The following SLC22A3 variants were observed in gnomAD, a reference collection of about 807,000 sequenced individuals.
SLC22A3 encodes the protein solute carrier family 22 member 3.
Under a neutral mutation model 59.1 loss-of-function variants are expected in SLC22A3, and 51 were observed. The ratio of observed to expected loss-of-function variants is 0.86; its 90% CI spans 0.69 to 1.09. The LOEUF (loss-of-function observed/expected upper bound fraction) is 1.09, where lower values mean the gene tolerates loss of function less well. Ranked by LOEUF, SLC22A3 falls within the 50% of genes least tolerant of loss-of-function variation. The pLI, the probability that SLC22A3 is intolerant of heterozygous loss-of-function variation, is 0.00. For synonymous variants in SLC22A3, 325 were observed against 292.0 expected (o/e 1.11, Z -1.15); for missense variants, 711 against 726.3 (o/e 0.98, Z 0.24).
chr6:160,373,169 G>A (rs1481703817), intron 1 of SLC22A3, among the ~76,000 whole-genome samples: 3 of 152,166 alleles, frequency 2.0e-5, no homozygotes, highest in Non-Finnish European at 4.4e-5. Flanking sequence ...TGATACTGGT[G>A]ACCTTCAGAT....
At chr6:160,444,415 T>TTC (rs1013576033) in intron 9 of SLC22A3, among the ~76,000 whole-genome samples, 2 of 152,144 alleles carry the variant, frequency 1.3e-5, no homozygotes, top group Non-Finnish European at 1.5e-5. Context: ...ATTTCTGGTG[T>TTC]TCTCTCTCTA....
chr6:160,427,825 T>G (rs952423742), intron 5 of SLC22A3, among the ~76,000 whole-genome samples: 10 of 152,232 alleles, frequency 6.6e-5, no homozygotes, highest in Admixed American at 3.3e-4. Flanking sequence ...CTCAAAATTT[T>G]GTGTATCCAT....
intron 1 of SLC22A3, among the ~76,000 whole-genome samples, chr6:160,385,275 CT>C (rs1785957730): frequency 6.6e-6 from 1 of 152,220 alleles, no homozygotes; most frequent in Non-Finnish European, 1.5e-5. Context: ...TGGCCAGCAT[CT>C]TCTCTTCATA....
intron 1 of SLC22A3, among the ~76,000 whole-genome samples, chr6:160,380,902 C>A (rs1785771151): frequency 6.6e-6 from 1 of 152,102 alleles, no homozygotes; most frequent in African/African-American, 2.4e-5. Context: ...TTGAGGTGTT[C>A]AGCTTCTAGA....
chr6:160,390,565 A>C (rs1230471177), intron 1 of SLC22A3, among the ~76,000 whole-genome samples: 1 of 151,828 alleles, frequency 6.6e-6, no homozygotes, highest in Non-Finnish European at 1.5e-5. Context: ...GACACCTGAG[A>C]GGTGGGAAAA....
At chr6:160,430,310 A>G (rs1406462070) in intron 5 of SLC22A3, among the ~76,000 whole-genome samples, 1 of 152,174 alleles carries the variant, frequency 6.6e-6, no homozygotes, top group Admixed American at 6.5e-5. Flanking sequence ...TAGTAAAAAA[A>G]TGTTCTGAGT....
intron 1 of SLC22A3, among the ~76,000 whole-genome samples, chr6:160,389,462 C>T (rs376474082): frequency 1.3e-4 from 20 of 152,154 alleles, no homozygotes; most frequent in African/African-American, 3.4e-4. Context: ...TGTTCTTGTT[C>T]ACAGTGGGGA....
chr6:160,424,743 A>T (rs550169953), intron 5 of SLC22A3, among the ~76,000 whole-genome samples: 23 of 152,342 alleles, frequency 1.5e-4, no homozygotes, highest in African/African-American at 5.3e-4. Flanking sequence ...TCTCTGAAAG[A>T]TGAATCTTGG....
At chr6:160,392,073 T>C (rs1177246886) in intron 1 of SLC22A3, among the ~76,000 whole-genome samples, 1 of 152,176 alleles carries the variant, frequency 6.6e-6, no homozygotes, top group Non-Finnish European at 1.5e-5. Context: ...TGGGCAATCA[T>C]TGCAGATCCC....
At chr6:160,364,391 G>C (rs1258814190) in intron 1 of SLC22A3, among the ~76,000 whole-genome samples, 4 of 152,230 alleles carry the variant, frequency 2.6e-5, no homozygotes, top group Admixed American at 2.6e-4. Flanking sequence ...GTGTGAAGCA[G>C]CCTTCATGGT....
At chr6:160,437,917 G>A (rs1226501942) in intron 7 of SLC22A3, among the ~76,000 whole-genome samples, 1 of 152,144 alleles carries the variant, frequency 6.6e-6, no homozygotes, top group African/African-American at 2.4e-5. Context: ...AGGGTTCATT[G>A]CTGTGACTGG....
At chr6:160,351,246 G>T (rs1213370711) in intron 1 of SLC22A3, among the ~76,000 whole-genome samples, 2 of 152,120 alleles carry the variant, frequency 1.3e-5, no homozygotes, top group East Asian at 3.9e-4. Context: ...CTCCCGAATA[G>T]CTGGGACTAC....
At chr6:160,430,291 G>GTAAC (rs1788103472) in intron 5 of SLC22A3, among the ~76,000 whole-genome samples, 1 of 151,984 alleles carries the variant, frequency 6.6e-6, no homozygotes, top group African/African-American at 2.4e-5. Flanking sequence ...AACAGTTTAA[G>GTAAC]TAACATGCTA....
intron 1 of SLC22A3, among the ~76,000 whole-genome samples, chr6:160,367,109 A>G (rs1785232180): frequency 6.6e-6 from 1 of 152,198 alleles, no homozygotes; most frequent in Non-Finnish European, 1.5e-5. Flanking sequence ...TAATAAAGAT[A>G]TAACCAATAC....
intron 5 of SLC22A3, among the ~76,000 whole-genome samples, chr6:160,411,095 A>C (rs1026135752): frequency 1.8e-4 from 28 of 152,276 alleles, no homozygotes; most frequent in African/African-American, 6.7e-4. Flanking sequence ...AGAAATGATT[A>C]TGAAGCTCTA....
At chr6:160,364,000 C>A (rs1241117272) in intron 1 of SLC22A3, among the ~76,000 whole-genome samples, 1 of 151,966 alleles carries the variant, frequency 6.6e-6, no homozygotes, top group South Asian at 2.1e-4. Flanking sequence ...GTCACCCTAA[C>A]TGACCCACAA....
At chr6:160,441,715 T>C (rs1295548769) in intron 7 of SLC22A3, among the ~76,000 whole-genome samples, 1 of 151,818 alleles carries the variant, frequency 6.6e-6, no homozygotes, top group Non-Finnish European at 1.5e-5. Flanking sequence ...TAAAAAATTA[T>C]ATATTCAGGA....
At chr6:160,358,719 G>A (rs1437107027) in intron 1 of SLC22A3, among the ~76,000 whole-genome samples, 1 of 152,258 alleles carries the variant, frequency 6.6e-6, no homozygotes, top group African/African-American at 2.4e-5. Flanking sequence ...GCACATGCCA[G>A]TTCCCTCCTT....
At chr6:160,389,079 A>C (rs1217673310) in intron 1 of SLC22A3, among the ~76,000 whole-genome samples, 1 of 152,086 alleles carries the variant, frequency 6.6e-6, no homozygotes, top group African/African-American at 2.4e-5. Context: ...TGAATGTATT[A>C]GATAGTCACT....
Sources: gnomAD v4.1 joint callset for allele counts (sites outside exome capture counted in the v4.1 genomes callset) on GRCh38, gnomAD v4.1.1 for gene constraint, MANE v1.5 for transcripts, NCBI Gene and HGNC (gene_info 2026-07-23, HGNC 2026-07-21) for gene names.